The following SGMS1 variants were observed in gnomAD, a reference collection of about 807,000 sequenced individuals.
The protein encoded by SGMS1 is sphingomyelin synthase 1.
In SGMS1, 13 loss-of-function variants were observed where a neutral mutation model predicts 46.2. The observed-to-expected ratio is 0.28, with a 90% CI of 0.18 to 0.45. SGMS1 has a LOEUF of 0.45. SGMS1 is among the 20% of genes least tolerant of loss of function. The pLI, the probability that SGMS1 is intolerant of heterozygous loss-of-function variation, is 1.00. For missense variants in SGMS1, 324 were observed against 519.9 expected (o/e 0.62, Z 3.66); for synonymous variants, 203 against 187.8 (o/e 1.08, Z -0.66).
chr10:50,574,985 A>ATATATATATATATATAT (rs58462802), intron 2 of SGMS1, among the ~76,000 whole-genome samples: 45 of 142,986 alleles, frequency 3.1e-4, no homozygotes, highest in South Asian at 1.3e-3. Context: ...ATATATATAT[A>ATATATATATATATATAT]AAACAAAGTA....
At chr10:50,507,265 C>G (rs1837715097) in intron 3 of SGMS1, among the ~76,000 whole-genome samples, 1 of 152,184 alleles carries the variant, frequency 6.6e-6, no homozygotes, top group African/African-American at 2.4e-5. Context: ...GCCTAAAGTA[C>G]CATTTAGAGT....
intron 6 of SGMS1, among the ~76,000 whole-genome samples, chr10:50,425,746 A>G (rs1849317086): frequency 6.6e-6 from 1 of 152,200 alleles, no homozygotes; most frequent in Admixed American, 6.5e-5. Context: ...TAAAATAAAA[A>G]CGGAAATTTT....
At chr10:50,458,339 C>CTCTTT (rs1486288081) in intron 5 of SGMS1, among the ~76,000 whole-genome samples, 18 of 97,138 alleles carry the variant, frequency 1.9e-4, no homozygotes, top group Non-Finnish European at 3.4e-4. Flanking sequence ...TTCTTTTTCT[C>CTCTTT]TTTTTTTTTT....
At chr10:50,620,542 T>C (rs1010758852) in intron 1 of SGMS1, among the ~76,000 whole-genome samples, 1 of 152,218 alleles carries the variant, frequency 6.6e-6, no homozygotes, top group African/African-American at 2.4e-5. Context: ...TGATCAAATT[T>C]GTGTGAGAAA....
intron 8 of SGMS1, among the ~76,000 whole-genome samples, chr10:50,322,764 G>A (rs1186115030): frequency 6.7e-6 from 1 of 150,330 alleles, no homozygotes; most frequent in Non-Finnish European, 1.5e-5. Flanking sequence ...CCCGGGAAGC[G>A]GAGCTTGCAG....
chr10:50,571,180 A>G (rs544766911), intron 2 of SGMS1, among the ~76,000 whole-genome samples: 19 of 152,354 alleles, frequency 1.2e-4, no homozygotes, highest in African/African-American at 4.3e-4. Flanking sequence ...ATTTTTTTAT[A>G]AACAAATACT....
intron 2 of SGMS1, among the ~76,000 whole-genome samples, chr10:50,572,487 A>T (rs1838344834): frequency 6.6e-6 from 1 of 151,966 alleles, no homozygotes; most frequent in African/African-American, 2.4e-5. Flanking sequence ...TTCAGTTGTT[A>T]TGGGAGGGGA....
chr10:50,336,551 G>T (rs12146309), intron 7 of SGMS1, among the ~76,000 whole-genome samples: 2 of 151,924 alleles, frequency 1.3e-5, no homozygotes, highest in African/African-American at 4.8e-5. Flanking sequence ...ACACATGCAC[G>T]TCTCCCAGAT....
chr10:50,354,226 C>T (rs1848090032), intron 6 of SGMS1, among the ~76,000 whole-genome samples: 1 of 152,032 alleles, frequency 6.6e-6, no homozygotes, highest in Admixed American at 6.5e-5. Flanking sequence ...CAGCATGGTA[C>T]TGGTACCAAA....
chr10:50,453,863 GAGGA>G (rs1353821688), intron 5 of SGMS1, among the ~76,000 whole-genome samples: 2 of 54,128 alleles, frequency 3.7e-5, no homozygotes, highest in African/African-American at 1.1e-4. Context: ...GGGAGGGAGG[GAGGA>G]AGGAAGGAAG....
intron 5 of SGMS1, among the ~76,000 whole-genome samples, chr10:50,447,452 T>G (rs1837035685): frequency 6.6e-6 from 1 of 152,114 alleles, no homozygotes; most frequent in African/African-American, 2.4e-5. Context: ...TCTTTAAAAT[T>G]GTAACACTTA....
intron 6 of SGMS1, among the ~76,000 whole-genome samples, chr10:50,358,155 TAAAAAC>T (rs1202178855): frequency 6.6e-6 from 1 of 151,922 alleles, no homozygotes; most frequent in Non-Finnish European, 1.5e-5. Flanking sequence ...CATTTAATAA[TAAAAAC>T]AAAAGCAAAA....
chr10:50,525,700 AG>A (rs1301177336), intron 2 of SGMS1, among the ~76,000 whole-genome samples: 7 of 152,240 alleles, frequency 4.6e-5, no homozygotes, highest in Non-Finnish European at 1.0e-4. Flanking sequence ...AGGGAAAACA[AG>A]GGAGACTCTA....
At chr10:50,431,212 G>A (rs1276616726) in intron 6 of SGMS1, among the ~76,000 whole-genome samples, 1 of 152,100 alleles carries the variant, frequency 6.6e-6, no homozygotes, top group Non-Finnish European at 1.5e-5. Context: ...TTAACCACGA[G>A]CTTCCTCTTG....
chr10:50,511,573 G>A (rs1169144565), intron 3 of SGMS1, among the ~76,000 whole-genome samples: 3 of 152,154 alleles, frequency 2.0e-5, no homozygotes, highest in African/African-American at 7.2e-5. Flanking sequence ...ATACAGAGTT[G>A]GCAATTATCC....
chr10:50,399,226 A>T (rs1848894860), intron 6 of SGMS1, among the ~76,000 whole-genome samples: 1 of 152,172 alleles, frequency 6.6e-6, no homozygotes, highest in Admixed American at 6.5e-5. Context: ...ACTGGGAGGT[A>T]ACTAAGGAAG....
At chr10:50,467,116 A>G (rs574195940) in intron 3 of SGMS1, among the ~76,000 whole-genome samples, 184 bp from the exon 4 acceptor site, 3 of 152,112 alleles carry the variant, frequency 2.0e-5, no homozygotes, top group Admixed American at 6.6e-5. Context: ...GTACACTTCT[A>G]TTAGACAACG....
intron 2 of SGMS1, among the ~76,000 whole-genome samples, chr10:50,572,547 T>C (rs980351832): frequency 6.6e-6 from 1 of 152,022 alleles, no homozygotes; most frequent in East Asian, 1.9e-4. Context: ...AGAGGGGTGA[T>C]GGGAGGGACC....
At chr10:50,516,589 A>C (rs1837808449) in intron 3 of SGMS1, among the ~76,000 whole-genome samples, 1 of 152,108 alleles carries the variant, frequency 6.6e-6, no homozygotes, top group Non-Finnish European at 1.5e-5. Context: ...TACAAAAAGA[A>C]CCCCGGCAAA....
Sources: allele counts gnomAD v4.1 joint callset (sites outside exome capture counted in the v4.1 genomes callset), GRCh38; gene constraint gnomAD v4.1.1; transcripts MANE v1.5; gene names NCBI Gene and HGNC (gene_info 2026-07-23, HGNC 2026-07-21).